Variants in WASF2 observed in about 807,000 individuals in gnomAD.
WASF2 encodes the protein actin-binding protein WASF2.
A neutral mutation model predicts 45.0 loss-of-function variants in WASF2; 14 were observed. That is an observed-to-expected ratio of 0.31 (90% CI 0.21 to 0.49). The LOEUF is 0.49. WASF2 is among the 20% of genes least tolerant of loss of function. The pLI is 0.99. For synonymous variants in WASF2, 200 were observed against 236.3 expected, an observed-to-expected ratio of 0.85 and a Z score of 1.41; for missense variants, 439 against 636.1, an observed-to-expected ratio of 0.69 and a Z score of 3.33.
chr1:27,426,838 T>G (rs1362081085), intron 2 of WASF2, among the ~76,000 whole-genome samples: 3 of 152,114 alleles, frequency 2.0e-5, no homozygotes, highest in Non-Finnish European at 4.4e-5. Context: ...GAGCCTTATT[T>G]TCTTTATCTG....
chr1:27,434,455 T>G (rs1167123415), intron 1 of WASF2, among the ~76,000 whole-genome samples: 1 of 152,210 alleles, frequency 6.6e-6, no homozygotes, highest in South Asian at 2.1e-4. Context: ...CAACATCCAC[T>G]TGCATTCTGA....
intron 1 of WASF2, among the ~76,000 whole-genome samples, chr1:27,432,331 A>G (rs2017075799): frequency 6.6e-6 from 1 of 151,950 alleles, no homozygotes; most frequent in Non-Finnish European, 1.5e-5. Flanking sequence ...TAAAATAAAA[A>G]ACCCACTACA....
rs1052096692 is a variant in WASF2, at chr1:27,404,321, G to A, written c.*3868C>T. ...GTTACATGGAACCTTCAGGTCAGTG[G>A]GGCACAAATGTGGTATACACACGAT... On this transcript the variant is annotated 3_prime_UTR_variant, in exon 9 of 9. Coordinates refer to ENST00000618852, the MANE Select transcript of WASF2 (RefSeq NM_006990.5). 2 of 152,204 alleles carry A rather than the reference G, an allele frequency of 1.3e-5. No individual in the cohort carries two copies. The highest frequency in any genetic ancestry group is 4.8e-5 in the African/African-American group (2 of 41,448). The allele number at this position is 152,204 out of a possible 1,614,324, so 9.4% of individuals were successfully genotyped here.
intron 1 of WASF2, among the ~76,000 whole-genome samples, chr1:27,467,707 T>C (rs1437546509): frequency 1.3e-5 from 2 of 151,260 alleles, no homozygotes; most frequent in African/African-American, 4.8e-5. Context: ...GGTCAGGAGA[T>C]GGAGACCAGC....
chr1:27,464,768 G>A (rs1172239485), intron 1 of WASF2, among the ~76,000 whole-genome samples: 6 of 152,116 alleles, frequency 3.9e-5, no homozygotes, highest in South Asian at 2.1e-4. Context: ...TCGCTCTGTC[G>A]CCCAGACTGG....
intron 1 of WASF2, among the ~76,000 whole-genome samples, chr1:27,443,983 G>A (rs894237655): frequency 1.3e-5 from 2 of 152,048 alleles, no homozygotes; most frequent in Non-Finnish European, 2.9e-5. Flanking sequence ...GTTTCATCAT[G>A]TTGGCCAGGC....
In WASF2 at chr1:27,424,654, G is replaced by C. The variant is rs528614032; in HGVS notation, c.130+4107C>G. On this transcript the variant is annotated intron_variant, in intron 2 of 8. Coordinates refer to ENST00000618852, the MANE Select transcript of WASF2 (RefSeq NM_006990.5). Reference sequence around the variant, plus strand: ...TTGCACCTCAGCCTTCCAAATAGCTGCAAGTACAGGCACACGCCACCACAC... The same window carrying C: ...TTGCACCTCAGCCTTCCAAATAGCTCCAAGTACAGGCACACGCCACCACAC... Among the ~76,000 whole-genome samples, 4 of 151,930 alleles carry C rather than the reference G, an allele frequency of 2.6e-5. No homozygotes were observed. In the East Asian group the frequency reaches 7.8e-4, roughly 29 times the overall value.
intron 8 of WASF2, among the ~76,000 whole-genome samples, chr1:27,409,428 C>CAAAAAAAAAAAAAAAAA (rs60940665): frequency 4.6e-5 from 2 of 43,692 alleles, no homozygotes; most frequent in African/African-American, 6.0e-5. Flanking sequence ...CTGTCCCCCA[C>CAAAAAAAAAAAAAAAAA]AAAAAAAAAA....
rs1200694763 is a variant in WASF2 at position 27,454,149 on chromosome 1, GTGTGTATATATATATATATATA to G, written c.-43-25238_-43-25217del. 1.8e-3 allele frequency among the ~76,000 whole-genome samples: 147 copies of G among 83,654 alleles called. 2 individuals are homozygous for G. The highest frequency in any genetic ancestry group is 6.5e-3 in the Middle Eastern group (1 of 154). The allele number at this position is 83,654 out of a possible 152,430, so 54.9% of individuals were successfully genotyped here. A position where few individuals can be genotyped will look rare whatever the true frequency, so the allele number is the denominator to read the frequency against. On this transcript the variant is annotated intron_variant, in intron 1 of 8. Transcript: ENST00000618852. ...TGTATATATATATGTGTGTGTGTGT[GTGTGTATATATATATATATATA>G]TATATATATATATATATTTTTTTTT...
intron 1 of WASF2, among the ~76,000 whole-genome samples, chr1:27,481,068 A>C (rs1461087619): frequency 6.9e-6 from 1 of 145,950 alleles, no homozygotes; most frequent in Non-Finnish European, 1.5e-5. Flanking sequence ...CAAAAAAAGA[A>C]TGCATGTGTG....
At chr1:27,425,119 G>A (rs892404151) in intron 2 of WASF2, among the ~76,000 whole-genome samples, 1 of 152,086 alleles carries the variant, frequency 6.6e-6, no homozygotes, top group Non-Finnish European at 1.5e-5. Flanking sequence ...TTGAGACAAG[G>A]TCTCGCCCTG....
At chr1:27,441,449 G>GA (rs1005766458) in intron 1 of WASF2, among the ~76,000 whole-genome samples, 1 of 150,418 alleles carries the variant, frequency 6.6e-6, no homozygotes, top group Non-Finnish European at 1.5e-5. Flanking sequence ...CCAACAGAGT[G>GA]AAACCCTGTC....
intron 1 of WASF2, among the ~76,000 whole-genome samples, chr1:27,488,567 C>G (rs1016696765): frequency 4.1e-4 from 62 of 152,174 alleles, no homozygotes; most frequent in African/African-American, 1.4e-3. Context: ...TACCAGGATT[C>G]AAATGGAGCT....
In WASF2 at chr1:27,425,712, G is replaced by A. The variant is rs547132449; in HGVS notation, c.130+3049C>T. Among the ~76,000 whole-genome samples, 394 of 152,140 alleles carry A rather than the reference G, an allele frequency of 2.6e-3. 2 individuals are homozygous for A. The highest frequency in any genetic ancestry group is 8.9e-3 in the African/African-American group (368 of 41,524). ...AAATTAGCCAGGCATGGTGGCGGGC[G>A]CCTGTAGTCCCAGCTACCTGGGAGG... On this transcript the variant is annotated intron_variant, in intron 2 of 8. Coordinates refer to ENST00000618852, the MANE Select transcript of WASF2 (RefSeq NM_006990.5).
chr1:27,487,362 G>A (rs1288172466), intron 1 of WASF2, among the ~76,000 whole-genome samples: 8 of 139,910 alleles, frequency 5.7e-5, no homozygotes, highest in African/African-American at 1.9e-4. Flanking sequence ...GCCTCCCAGA[G>A]TGCTGGGATT....
At chr1:27,425,838 CAAAA>C (rs57916899) in intron 2 of WASF2, among the ~76,000 whole-genome samples, 4 of 50,624 alleles carry the variant, frequency 7.9e-5, no homozygotes, top group African/African-American at 1.9e-4. Context: ...GACTCCGTCT[CAAAA>C]AAAAAAAAAA....
chr1:27,467,215 C>CA (rs59404190), intron 1 of WASF2, among the ~76,000 whole-genome samples: 5,320 of 84,490 alleles, frequency 0.063, 151 homozygotes, highest in Middle Eastern at 0.1. Flanking sequence ...GACCTTGTCT[C>CA]AAAAAAAAAA....
At position 27,414,119 on chromosome 1, in the gene WASF2, C is replaced by T. The variant is rs895553397; in HGVS notation, c.668+714G>A. Reference sequence around the variant, plus strand: ...AGTGTATTTAGAGAAAAAACCAGGGCGACATTCATGCCAAGCAGTCATGGT... The same window carrying T: ...AGTGTATTTAGAGAAAAAACCAGGGTGACATTCATGCCAAGCAGTCATGGT... On this transcript the variant is annotated intron_variant, in intron 6 of 8. Transcript: ENST00000618852. This position sits in a 1 kb window ranked among gnomAD's most constrained non-coding sequence, Gnocchi z 4.1. 2.0e-5 allele frequency among the ~76,000 whole-genome samples: 3 copies of T among 152,152 alleles called. No homozygotes were observed. The highest frequency in any genetic ancestry group is 7.2e-5 in the African/African-American group (3 of 41,416).
intron 4 of WASF2, among the ~76,000 whole-genome samples, chr1:27,417,453 G>A (rs1426220244): frequency 6.6e-6 from 1 of 152,012 alleles, no homozygotes; most frequent in African/African-American, 2.4e-5. Flanking sequence ...AATTTCACGT[G>A]GGTACACACA....
Sources: gnomAD v4.1 joint callset for allele counts (sites outside exome capture counted in the v4.1 genomes callset) on GRCh38, gnomAD v4.1.1 for gene constraint, Gnocchi (gnomAD v3.1) non-coding constraint, MANE v1.5 for transcripts, NCBI Gene and HGNC (gene_info 2026-07-23, HGNC 2026-07-21) for gene names.